Variants in OCA2 observed in about 807,000 individuals in gnomAD.
The protein encoded by OCA2 is P protein.
Under a neutral mutation model 100.2 loss-of-function variants are expected in OCA2, and 77 were observed. The ratio of observed to expected loss-of-function variants is 0.77; its 90% CI spans 0.64 to 0.93. OCA2 has a LOEUF of 0.93. Ranked by LOEUF, OCA2 falls within the 40% of genes least tolerant of loss-of-function variation. The pLI is 0.00. For missense variants in OCA2, 1,062 were observed against 1,089.1 expected, an observed-to-expected ratio of 0.98 and a Z score of 0.35; for synonymous variants, 432 against 439.2, an observed-to-expected ratio of 0.98 and a Z score of 0.21.
chr15:27,949,086 T>TA (rs11326197), intron 18 of OCA2, among the ~76,000 whole-genome samples: 7,298 of 149,278 alleles, frequency 0.049, 249 homozygotes, highest in South Asian at 0.13. Flanking sequence ...TCTATGATAA[T>TA]AAAAAAAAAA....
chr15:27,993,641 T>C (rs534497460), intron 9 of OCA2, among the ~76,000 whole-genome samples: 2 of 152,214 alleles, frequency 1.3e-5, no homozygotes, highest in African/African-American at 4.8e-5. Context: ...CTCGCTAAGT[T>C]TGCTCCGCCC....
At chr15:27,835,967 C>T (rs1400718537) in intron 23 of OCA2, among the ~76,000 whole-genome samples, 1 of 152,194 alleles carries the variant, frequency 6.6e-6, no homozygotes, top group Non-Finnish European at 1.5e-5. Context: ...ACATGGTTAA[C>T]TAGAACCTCT....
At chr15:27,840,490 A>G (rs183461949) in intron 23 of OCA2, among the ~76,000 whole-genome samples, 1 of 152,260 alleles carries the variant, frequency 6.6e-6, no homozygotes, top group Non-Finnish European at 1.5e-5. Context: ...TCTGATCCTA[A>G]TAAAAGTGTA....
At chr15:28,091,315 G>A (rs1201682620) in intron 1 of OCA2, among the ~76,000 whole-genome samples, 3 of 152,128 alleles carry the variant, frequency 2.0e-5, no homozygotes, top group Non-Finnish European at 4.4e-5. Flanking sequence ...TCATCAGTGA[G>A]TTTTATGAAG....
At chr15:27,766,128 T>C (rs560745760) in intron 23 of OCA2, among the ~76,000 whole-genome samples, 19 of 152,286 alleles carry the variant, frequency 1.2e-4, no homozygotes, top group African/African-American at 4.3e-4. Flanking sequence ...CCAATAAATA[T>C]GTTGTGTAGT....
chr15:28,023,578 T>C (rs1193188023), intron 5 of OCA2, among the ~76,000 whole-genome samples: 1 of 151,666 alleles, frequency 6.6e-6, no homozygotes, highest in African/African-American at 2.4e-5. Flanking sequence ...CACCACCCCC[T>C]AAGCTGGTGC....
the OCA2 span, among the ~76,000 whole-genome samples, chr15:27,748,063 A>C: frequency 9.2e-5 from 14 of 152,190 alleles, no homozygotes; most frequent in Admixed American, 2.6e-4. Context: ...AAGACAGCCC[A>C]GATGGGCTCT....
intron 23 of OCA2, among the ~76,000 whole-genome samples, chr15:27,770,812 T>TCCTCCCTCTTTTCCTTCCTC (rs2031702327): frequency 9.1e-6 from 1 of 109,764 alleles, no homozygotes; most frequent in Non-Finnish European, 1.8e-5. Flanking sequence ...TTTCCTTCCT[T>TCCTCCCTCTTTTCCTTCCTC]CCTCCCTTCC....
chr15:28,027,960 C>A lies in OCA2; in HGVS notation c.426G>T (p.Arg142Ser), dbSNP rs1348526174. Residue 142 changes from arginine to serine, a missense_variant, in exon 4 of 24, where the codon AGG becomes AGT. By Grantham distance (110) the Arg-to-Ser change is moderately radical. Transcript: ENST00000354638. The part of the protein sequence containing the change: ...ADWERRYLLS[R>S]EVSGLSASAS... ...CAGATGCAGACAGACCAGACACCTC[C>A]CTGCTTAGCAGGTATCTTCGCTCCC... 2 of 1,614,192 alleles carry A rather than the reference C, an allele frequency of 1.2e-6. No individual in the cohort carries two copies. Among genetic ancestry groups the A allele is most frequent in the South Asian group, 2.2e-5 (2 of 91,074 alleles).
At chr15:27,752,807 C>G (rs866753242), downstream of OCA2, among the ~76,000 whole-genome samples, 15 of 123,308 alleles carry the variant, frequency 1.2e-4, 2 homozygotes, top group East Asian at 1.9e-3. Flanking sequence ...CCCACCCCCC[C>G]CCCCCCCCCA....
At chr15:27,770,341 G>A (rs1202188296) in intron 23 of OCA2, among the ~76,000 whole-genome samples, 2 of 152,194 alleles carry the variant, frequency 1.3e-5, no homozygotes, top group Admixed American at 6.5e-5. Flanking sequence ...ACGCGGGGCC[G>A]GGCGAGGCTT....
intron 9 of OCA2, among the ~76,000 whole-genome samples, chr15:28,012,179 A>G (rs1422129313): frequency 6.6e-6 from 1 of 152,238 alleles, no homozygotes; most frequent in African/African-American, 2.4e-5. Context: ...TAAATACATG[A>G]AAAGATAATA....
At chr15:28,039,168 A>G (rs2043131274) in intron 2 of OCA2, among the ~76,000 whole-genome samples, 1 of 139,090 alleles carries the variant, frequency 7.2e-6, no homozygotes, top group South Asian at 2.3e-4. Flanking sequence ...GATGCTGACA[A>G]AACAGGAGGG....
chr15:27,923,313 C>T lies in OCA2; in HGVS notation c.2079+2814G>A, dbSNP rs573823378. ...GGTGAATAATGCTGCAATGAACACA[C>T]ATGTGCATATGTCTTTACAGTACAA... On this transcript the variant is annotated intron_variant, in intron 19 of 23. Transcript: ENST00000354638. Among the ~76,000 whole-genome samples the T allele has an allele frequency of 3.3e-5, 5 of 152,336 alleles. No individual in the cohort carries two copies. The East Asian group carries it at 9.6e-4, about 29-fold the overall frequency.
intron 2 of OCA2, among the ~76,000 whole-genome samples, chr15:28,067,522 G>T (rs1027805400): frequency 1.3e-5 from 2 of 151,958 alleles, no homozygotes; most frequent in Admixed American, 1.3e-4. Context: ...AGAGATTTTT[G>T]AAGATTATGT....
At chr15:27,762,883 TGA>T (rs1232814056) in intron 23 of OCA2, among the ~76,000 whole-genome samples, 1 of 152,246 alleles carries the variant, frequency 6.6e-6, no homozygotes, top group Non-Finnish European at 1.5e-5. Context: ...TGCTTATAAG[TGA>T]GAACACGTGG....
chr15:27,966,821 C>T lies in OCA2; in HGVS notation c.1505G>A (p.Gly502Asp). Residue 502 changes from glycine to aspartate, a missense_variant and splice_region_variant, in exon 15 of 24, where the codon GGC becomes GAC. By Grantham distance (94) the Gly-to-Asp change is moderately conservative (BLOSUM62 -1). Transcript: ENST00000354638. ...TGCAGTGAATCCGGCAAAGTCCAGG[C>T]CCTGGAAATAAACAAGGGGAAATGA... Reference protein sequence around the residue: ...IVSNQELRKMGLDFAGFTAHM... With the variant: ...IVSNQELRKMDLDFAGFTAHM... 1 of 1,609,830 alleles carries T rather than the reference C, an allele frequency of 6.2e-7. No individual in the cohort carries two copies. The highest frequency in any genetic ancestry group is 8.5e-7 in the Non-Finnish European group (1 of 1,178,454).
intron 18 of OCA2, among the ~76,000 whole-genome samples, chr15:27,937,038 C>T (rs976700383): frequency 3.3e-5 from 5 of 152,194 alleles, no homozygotes; most frequent in African/African-American, 1.2e-4. Flanking sequence ...ACCGTCCCCC[C>T]ACATTCTCTG....
chr15:28,069,796 G>A (rs1433534260), intron 2 of OCA2, among the ~76,000 whole-genome samples: 3 of 136,410 alleles, frequency 2.2e-5, no homozygotes, highest in African/African-American at 3.2e-5. Context: ...CCAAAGTGCC[G>A]AGATTGCAGC....
Sources: gnomAD v4.1 joint callset for allele counts (sites outside exome capture counted in the v4.1 genomes callset) on GRCh38, gnomAD v4.1.1 for gene constraint, MANE v1.5 for transcripts, NCBI Gene and HGNC (gene_info 2026-07-23, HGNC 2026-07-21) for gene names.